GNG4: variants seen among roughly 807,000 people sequenced by gnomAD.
GNG4 encodes guanine nucleotide-binding protein G(I)/G(S)/G(O) subunit gamma-4.
GNG4 carries 4 observed loss-of-function variants against 5.8 expected under a neutral mutation model. The observed-to-expected ratio is 0.69, with a 90% CI of 0.34 to 1.57. The LOEUF is 1.57. Ranked by LOEUF, GNG4 falls within the 40% of genes most tolerant of loss-of-function variation. The probability of loss-of-function intolerance (pLI) is 0.06; values close to 1 mark genes in which losing one functional copy is unlikely to be tolerated. For missense variants in GNG4, 96 were observed against 95.1 expected (o/e 1.01, Z -0.04); for synonymous variants, 29 against 32.9 (o/e 0.88, Z 0.41).
intron 1 of GNG4, among the ~76,000 whole-genome samples, chr1:235,607,937 ATTTTTTTT>A (rs140271145): frequency 7.5e-6 from 1 of 132,760 alleles, no homozygotes; most frequent in Non-Finnish European, 1.6e-5. Flanking sequence ...TGCTGTTTCT[ATTTTTTTT>A]TTTTTTTTTT....
intron 1 of GNG4, among the ~76,000 whole-genome samples, chr1:235,635,649 T>G (rs779569617): frequency 3.0e-4 from 11 of 36,522 alleles, no homozygotes; most frequent in Non-Finnish European, 5.6e-4. Flanking sequence ...ATAAACCTCT[T>G]TTCTTTATCA....
At chr1:235,645,290 C>G (rs1001169199) in intron 1 of GNG4, among the ~76,000 whole-genome samples, 2 of 152,170 alleles carry the variant, frequency 1.3e-5, no homozygotes, top group African/African-American at 2.4e-5. Flanking sequence ...CTGCCTCCCA[C>G]CCCAATCTCA....
intron 2 of GNG4, among the ~76,000 whole-genome samples, chr1:235,584,828 C>T (rs924979350): frequency 4.6e-5 from 7 of 152,204 alleles, no homozygotes; most frequent in Non-Finnish European, 8.8e-5. Context: ...TGGGAAGAGG[C>T]CCTGGCCACC....
At position 235,572,443 on chromosome 1, in the gene GNG4, AC is replaced by A. The variant is rs1403573206; in HGVS notation, c.99+11296del. On this transcript the variant is annotated intron_variant, in intron 3 of 3. Coordinates refer to ENST00000391854, the MANE Select transcript of GNG4 (RefSeq NM_001098722.2). Reference sequence around the variant, plus strand: ...TCAAACTCCTGACCTCAGGTGATCCACCCACCTTGGCCTCACAAAGTGCTGG... The same window carrying A: ...TCAAACTCCTGACCTCAGGTGATCCACCACCTTGGCCTCACAAAGTGCTGG... Among the ~76,000 whole-genome samples, 7 of 148,736 alleles carry A rather than the reference AC, an allele frequency of 4.7e-5. No homozygotes were observed. The East Asian group carries it at 1.2e-3, about 25-fold the overall frequency.
At chr1:235,619,858 C>T (rs1487370324) in intron 1 of GNG4, among the ~76,000 whole-genome samples, 3 of 152,186 alleles carry the variant, frequency 2.0e-5, no homozygotes, top group Non-Finnish European at 2.9e-5. Flanking sequence ...TATAGATCTT[C>T]TTATACCTTA....
intron 1 of GNG4, among the ~76,000 whole-genome samples, chr1:235,608,241 A>G (rs765736584): frequency 1.1e-4 from 17 of 152,068 alleles, no homozygotes; most frequent in Non-Finnish European, 1.6e-4. Flanking sequence ...TGGCCAGGAA[A>G]TGCTGTTTCT....
chr1:235,609,682 G>T (rs1400164892), intron 1 of GNG4, among the ~76,000 whole-genome samples: 1 of 152,130 alleles, frequency 6.6e-6, no homozygotes, highest in Non-Finnish European at 1.5e-5. Context: ...AGAGGCCAAG[G>T]CAGGCAGATC....
At chr1:235,596,761 C>T (rs1306436828) in intron 1 of GNG4, among the ~76,000 whole-genome samples, 3 of 151,946 alleles carry the variant, frequency 2.0e-5, no homozygotes, top group Admixed American at 6.6e-5. Context: ...GGTCTCGCTT[C>T]GTTGCCCAGG....
intron 1 of GNG4, among the ~76,000 whole-genome samples, chr1:235,640,282 A>T (rs10754713): frequency 0.53 from 80,098 of 151,920 alleles, 23,546 homozygotes; most frequent in East Asian, 0.85. Flanking sequence ...GGAATCAGAT[A>T]TCAGGAATAA....
intron 1 of GNG4, among the ~76,000 whole-genome samples, chr1:235,629,353 A>G (rs1381454792): frequency 6.6e-6 from 1 of 152,106 alleles, no homozygotes; most frequent in Non-Finnish European, 1.5e-5. Context: ...AATTACAAGA[A>G]GCAAAAAAAT....
At chr1:235,589,122 C>T (rs1687898624) in intron 2 of GNG4, among the ~76,000 whole-genome samples, 2 of 152,228 alleles carry the variant, frequency 1.3e-5, no homozygotes, top group Admixed American at 1.3e-4. Flanking sequence ...GCGTATAACT[C>T]CACTTGTCAT....
chr1:235,590,864 G>A (rs1249309465), intron 2 of GNG4, among the ~76,000 whole-genome samples: 1 of 152,152 alleles, frequency 6.6e-6, no homozygotes, highest in African/African-American at 2.4e-5. Context: ...CCTTGCATGG[G>A]ACGCATAGGA....
At chr1:235,563,773 A>G (rs1259823143) in intron 3 of GNG4, among the ~76,000 whole-genome samples, 8 of 152,128 alleles carry the variant, frequency 5.3e-5, no homozygotes. Context: ...AGACATTAGG[A>G]GCTTTTGTTC....
In GNG4 at chr1:235,616,448, G is replaced by A. The variant is rs140026961; in HGVS notation, c.-122-20937C>T. ...TGGGAAGTCAGGCCCTGGGCTGCCC[G>A]ATCCCTGGCCTGAGGACTCGCCATC... On this transcript the variant is annotated intron_variant, in intron 1 of 3. Transcript: ENST00000391854. 2.6e-3 allele frequency: 674 copies of A among 258,410 alleles called. 7 individuals are homozygous for A. The highest frequency in any genetic ancestry group is 0.015 in the African/African-American group (641 of 43,454). 16.0% of individuals were successfully genotyped at this position (258,410 alleles called of 1,614,324 possible). A position where few individuals can be genotyped will look rare whatever the true frequency, so the allele number is the denominator to read the frequency against.
chr1:235,587,792 G>GTA (rs1687856110), intron 2 of GNG4, among the ~76,000 whole-genome samples: 1 of 142,780 alleles, frequency 7.0e-6, no homozygotes, highest in East Asian at 2.3e-4. Context: ...GTGTGTGTGT[G>GTA]TGAAGGTGAG....
intron 1 of GNG4, among the ~76,000 whole-genome samples, chr1:235,610,186 A>C (rs1688451044): frequency 6.6e-6 from 1 of 152,052 alleles, no homozygotes. Context: ...TTTCCAAGAT[A>C]GCGGCCGTTA....
At chr1:235,632,018 T>C (rs1402805107) in intron 1 of GNG4, among the ~76,000 whole-genome samples, 1 of 152,188 alleles carries the variant, frequency 6.6e-6, no homozygotes, top group Non-Finnish European at 1.5e-5. Flanking sequence ...GAGGGCTGTG[T>C]GCGGAGGCTT....
chr1:235,587,781 T>TGTGTAA (rs1485506759), intron 2 of GNG4, among the ~76,000 whole-genome samples: 1 of 112,348 alleles, frequency 8.9e-6, no homozygotes, highest in Non-Finnish European at 1.9e-5. Flanking sequence ...GGGGTGGGGG[T>TGTGTAA]GTGTGTGTGT....
intron 3 of GNG4, among the ~76,000 whole-genome samples, chr1:235,554,893 T>G (rs1213292915): frequency 6.6e-6 from 1 of 150,464 alleles, no homozygotes; most frequent in African/African-American, 2.4e-5. Flanking sequence ...TATCATGCCC[T>G]CTCCAGTTTT....
Sources: gnomAD v4.1 joint callset for allele counts (sites outside exome capture counted in the v4.1 genomes callset) on GRCh38, gnomAD v4.1.1 for gene constraint, MANE v1.5 for transcripts, NCBI Gene and HGNC (gene_info 2026-07-23, HGNC 2026-07-21) for gene names.